CA10: variants seen among roughly 807,000 people sequenced by gnomAD.
CA10 encodes carbonic anhydrase 10 (inactive), also known as carbonic anhydrase-related protein 10.
CA10 carries 14 observed loss-of-function variants against 44.2 expected under a neutral mutation model. The observed-to-expected ratio is 0.32, with a 90% CI of 0.21 to 0.50. The LOEUF is 0.50. CA10 is among the 20% of genes least tolerant of loss of function. CA10 has a pLI of 0.99. For missense variants in CA10, 350 were observed against 409.7 expected, an observed-to-expected ratio of 0.85 and a Z score of 1.26; for synonymous variants, 159 against 141.6, an observed-to-expected ratio of 1.12 and a Z score of -0.87.
At chr17:52,054,753 C>T (rs531447399) in intron 2 of CA10, among the ~76,000 whole-genome samples, 27 of 151,486 alleles carry the variant, frequency 1.8e-4, no homozygotes, top group South Asian at 4.2e-4. Flanking sequence ...CGTGAAATAT[C>T]GGGGGTGAAT....
intron 3 of CA10, among the ~76,000 whole-genome samples, chr17:51,756,295 G>A (rs1409220355): frequency 6.6e-6 from 1 of 152,072 alleles, no homozygotes; most frequent in Non-Finnish European, 1.5e-5. Flanking sequence ...TTCTGCATAT[G>A]AGGAGACAGA....
intron 3 of CA10, among the ~76,000 whole-genome samples, chr17:51,897,253 A>G (rs192089672): frequency 0.017 from 2,620 of 152,066 alleles, 32 homozygotes; most frequent in Middle Eastern, 0.051. Context: ...ATTTTTGTAT[A>G]TAAGTGAGGG....
chr17:52,008,873 T>C (rs1200592835), intron 2 of CA10, among the ~76,000 whole-genome samples: 1 of 151,756 alleles, frequency 6.6e-6, no homozygotes, highest in Non-Finnish European at 1.5e-5. Flanking sequence ...TCTGCCTTTC[T>C]TTGTTTAAGG....
chr17:51,873,193 TAAATA>T (rs1014132626), intron 3 of CA10, among the ~76,000 whole-genome samples: 2 of 152,198 alleles, frequency 1.3e-5, no homozygotes, highest in African/African-American at 2.4e-5. Flanking sequence ...CGTTAAAGAT[TAAATA>T]AAATAATATT....
intron 3 of CA10, among the ~76,000 whole-genome samples, chr17:51,891,052 G>C (rs1031643789): frequency 6.6e-6 from 1 of 152,156 alleles, no homozygotes; most frequent in South Asian, 2.1e-4. Flanking sequence ...GATTGAAAAA[G>C]ATGCAAAAGG....
intron 4 of CA10, among the ~76,000 whole-genome samples, chr17:51,728,917 T>A (rs1916617111): frequency 6.6e-6 from 1 of 152,162 alleles, no homozygotes; most frequent in Non-Finnish European, 1.5e-5. Context: ...GATGTGATTG[T>A]GAGTGACTGG....
intron 3 of CA10, among the ~76,000 whole-genome samples, chr17:51,885,419 C>T (rs990419414): frequency 1.3e-5 from 2 of 152,174 alleles, no homozygotes; most frequent in African/African-American, 4.8e-5. Flanking sequence ...AGGTGAACTC[C>T]TGGATCTTAC....
At chr17:52,149,515 T>C (rs1344515036) in intron 1 of CA10, among the ~76,000 whole-genome samples, 1 of 152,200 alleles carries the variant, frequency 6.6e-6, no homozygotes, top group Non-Finnish European at 1.5e-5. Context: ...AGATCATTTG[T>C]CACCACCCAA....
intron 3 of CA10, among the ~76,000 whole-genome samples, chr17:51,778,160 C>G (rs546779210): frequency 5.4e-4 from 82 of 152,192 alleles, no homozygotes; most frequent in South Asian, 2.1e-4. Context: ...AGTGCACTCT[C>G]ATTCTAAATA....
intron 3 of CA10, among the ~76,000 whole-genome samples, chr17:51,926,668 C>T (rs962030820): frequency 6.6e-6 from 1 of 152,214 alleles, no homozygotes; most frequent in Admixed American, 6.5e-5. Flanking sequence ...CCGACCTCTG[C>T]TTCCATCCTC....
chr17:51,925,696 C>T (rs944225682), intron 3 of CA10, among the ~76,000 whole-genome samples: 4 of 151,998 alleles, frequency 2.6e-5, no homozygotes, highest in Non-Finnish European at 5.9e-5. Context: ...AAATGTCTAT[C>T]GACAGAAGAA....
chr17:52,133,790 G>A (rs144277409), intron 1 of CA10, among the ~76,000 whole-genome samples: 93 of 152,230 alleles, frequency 6.1e-4, no homozygotes, highest in African/African-American at 2.2e-3. Flanking sequence ...TTTTCTTGAG[G>A]ATATTTATCC....
chr17:51,790,624 T>C (rs1181290556), intron 3 of CA10, among the ~76,000 whole-genome samples: 1 of 152,214 alleles, frequency 6.6e-6, no homozygotes, highest in Admixed American at 6.5e-5. Flanking sequence ...TTCCGTCTAC[T>C]CATCTTTACA....
intron 1 of CA10, among the ~76,000 whole-genome samples, chr17:52,103,732 G>A (rs972676541): frequency 6.6e-6 from 1 of 152,212 alleles, no homozygotes; most frequent in African/African-American, 2.4e-5. Flanking sequence ...AATGAAGGGT[G>A]CAGTTCATCG....
At chr17:51,797,383 G>A (rs763449675) in intron 3 of CA10, among the ~76,000 whole-genome samples, 5 of 152,106 alleles carry the variant, frequency 3.3e-5, no homozygotes, top group Admixed American at 6.5e-5. Context: ...CGCACACCCC[G>A]CCCTCCACTA....
In CA10 at chr17:52,110,859, G is replaced by A. The variant is rs909802476; in HGVS notation, c.62-38466C>T. The stretch of plus-strand genomic sequence containing the variant: ...CTCCCATGGCCAAGGACAGTTCCAC[G>A]AAGAATAGGGCAGTTGTGAGCTGAC... On this transcript the variant is annotated intron_variant, in intron 1 of 8. Transcript: ENST00000451037. 3.7e-4 allele frequency among the ~76,000 whole-genome samples: 57 copies of A among 152,244 alleles called. 1 individual carries two copies. Among genetic ancestry groups the A allele is most frequent in the East Asian group, 7.7e-4 (4 of 5,168 alleles).
intron 1 of CA10, among the ~76,000 whole-genome samples, chr17:52,079,787 A>G (rs907543970): frequency 2.6e-5 from 4 of 152,184 alleles, no homozygotes; most frequent in African/African-American, 4.8e-5. Context: ...ATTTAGCACA[A>G]TGTGTTTCAT....
intron 4 of CA10, among the ~76,000 whole-genome samples, chr17:51,672,697 T>G (rs1232678273): frequency 6.6e-6 from 1 of 152,204 alleles, no homozygotes; most frequent in Non-Finnish European, 1.5e-5. Context: ...TGCATTATTT[T>G]AAGAGTCCTC....
intron 4 of CA10, among the ~76,000 whole-genome samples, chr17:51,728,508 C>T (rs1039981918): frequency 1.3e-5 from 2 of 152,144 alleles, no homozygotes; most frequent in African/African-American, 2.4e-5. Context: ...ACACTTTTGA[C>T]GGGTACTTAT....
Sources: gnomAD v4.1 joint callset for allele counts (sites outside exome capture counted in the v4.1 genomes callset) on GRCh38, gnomAD v4.1.1 for gene constraint, MANE v1.5 for transcripts, NCBI Gene and HGNC (gene_info 2026-07-23, HGNC 2026-07-21) for gene names.